Variants in CARS1 observed in about 807,000 individuals in gnomAD.
The protein encoded by CARS1 is cysteine--tRNA ligase, cytoplasmic.
In CARS1, 48 loss-of-function variants were observed where a neutral mutation model predicts 106.2. The ratio of observed to expected loss-of-function variants is 0.45; its 90% CI spans 0.36 to 0.57. The LOEUF is 0.57. Among genes scored for constraint, CARS1 ranks in the 20% least tolerant of loss-of-function variants. The pLI is 0.00. For missense variants in CARS1, 968 were observed against 1,057.2 expected, an observed-to-expected ratio of 0.92 and a Z score of 1.17; for synonymous variants, 409 against 403.4, an observed-to-expected ratio of 1.01 and a Z score of -0.17.
Position 3,041,339 on chromosome 11 carries a change from G to A in CARS1, c.367-355C>T, listed in dbSNP as rs1007143758. The A allele has an allele frequency of 3.7e-5, 10 of 270,120 alleles. 1 individual carries two copies. The Admixed American group carries it at 4.0e-4, about 11-fold the overall frequency. 16.7% of individuals were successfully genotyped at this position (270,120 alleles called of 1,614,324 possible). ...GTACCTACCATGTGCCAGGCCCTGA[G>A]CTAAATATTCAATATGCAGTACACT... On this transcript the variant is annotated intron_variant, in intron 3 of 22. Transcript: ENST00000380525. This position sits in a 1 kb window ranked among gnomAD's most constrained non-coding sequence, Gnocchi z 4.9.
In CARS1 at chr11:3,029,519, C is replaced by T; in HGVS notation, c.802-76G>A. ...GAACATCTCGTGCAGCTGGTGTGAG[C>T]CCATCAGTGCCCTGAATTCAAAGGT... is the stretch of plus-strand genomic sequence containing the variant. On this transcript the variant is annotated intron_variant, in intron 7 of 22. Coordinates refer to ENST00000380525, the MANE Select transcript of CARS1 (RefSeq NM_001014437.3). The surrounding 1 kb of genome is among the most constrained non-coding windows in gnomAD (Gnocchi z 5.9). The T allele has an allele frequency of 1.3e-6, 2 of 1,504,896 alleles. No individual in the cohort carries two copies. Among genetic ancestry groups the T allele is most frequent in the Non-Finnish European group, 1.8e-6 (2 of 1,104,398 alleles). The allele number at this position is 1,504,896 out of a possible 1,614,324, so 93.2% of individuals were successfully genotyped here.
At position 3,053,962 on chromosome 11, in the gene CARS1, C is replaced by T. The variant is rs1407586570; in HGVS notation, c.25+3381G>A. Among the ~76,000 whole-genome samples, 1 of 152,124 alleles carries T rather than the reference C, an allele frequency of 6.6e-6. No homozygotes were observed. The highest frequency in any genetic ancestry group is 1.5e-5 in the Non-Finnish European group (1 of 68,026). On this transcript the variant is annotated intron_variant, in intron 1 of 22. Coordinates refer to ENST00000380525, the MANE Select transcript of CARS1 (RefSeq NM_001014437.3). This position sits in a 1 kb window ranked among gnomAD's most constrained non-coding sequence, Gnocchi z 6.6. ...CCTTTCTGCAAATGTTCCCCTGGTC[C>T]CACCCTCTACAGCTGCTCCTCTTGG...
intron 7 of CARS1, among the ~76,000 whole-genome samples, chr11:3,033,960 T>C (rs1853230473): frequency 6.6e-6 from 1 of 152,164 alleles, no homozygotes; most frequent in Admixed American, 6.5e-5. Flanking sequence ...TCTTAAACTT[T>C]TTGTAGAGAT....
chr11:3,020,897 G>A lies in CARS1; in HGVS notation c.1154-565C>T, dbSNP rs557284790. On this transcript the variant is annotated intron_variant, in intron 10 of 22. Coordinates refer to ENST00000380525, the MANE Select transcript of CARS1 (RefSeq NM_001014437.3). The surrounding 1 kb of genome is among the most constrained non-coding windows in gnomAD (Gnocchi z 4.6). ...TTGCTGTTCCTGTGTATTTATAAGG[G>A]GAAAATAGGTGAAGGAAACTAAAGA... Among the ~76,000 whole-genome samples the A allele has an allele frequency of 6.6e-6, 1 of 152,296 alleles. No homozygotes were observed. The highest frequency in any genetic ancestry group is 2.4e-5 in the African/African-American group (1 of 41,546).
chr11:3,041,416 G>A lies in CARS1; in HGVS notation c.367-432C>T, dbSNP rs917509066. On this transcript the variant is annotated intron_variant, in intron 3 of 22. Coordinates refer to ENST00000380525, the MANE Select transcript of CARS1 (RefSeq NM_001014437.3). This position sits in a 1 kb window ranked among gnomAD's most constrained non-coding sequence, Gnocchi z 4.9. ...TTTTACGGATGAAGAAACTGAGGCA[G>A]ACAACACTTGGCCAGGGTCAGTCCC... is the stretch of plus-strand genomic sequence containing the variant. 3.9e-5 allele frequency among the ~76,000 whole-genome samples: 6 copies of A among 152,142 alleles called. No individual in the cohort carries two copies. The highest frequency in any genetic ancestry group is 1.4e-4 in the African/African-American group (6 of 41,416).
In CARS1 at chr11:3,020,022, G is replaced by C. The variant is rs770567751; in HGVS notation, c.1266+198C>G. Among the ~76,000 whole-genome samples, 27 of 152,244 alleles carry C rather than the reference G, an allele frequency of 1.8e-4. No individual in the cohort carries two copies. Among genetic ancestry groups the C allele is most frequent in the Non-Finnish European group, 3.4e-4 (23 of 68,044 alleles). Reference sequence around the variant, plus strand: ...AGAAAACAGAAATCCCAGGAGGGAAGTGATTTGTCCAGAGACTCAGGGAGT... The same window carrying C: ...AGAAAACAGAAATCCCAGGAGGGAACTGATTTGTCCAGAGACTCAGGGAGT... On this transcript the variant is annotated intron_variant, in intron 11 of 22. Transcript: ENST00000380525. The surrounding 1 kb of genome is among the most constrained non-coding windows in gnomAD (Gnocchi z 4.6).
rs1363336323 is a variant in CARS1, at chr11:3,043,424, C to T, written c.275-1168G>A. On this transcript the variant is annotated intron_variant, in intron 2 of 22. Coordinates refer to ENST00000380525, the MANE Select transcript of CARS1 (RefSeq NM_001014437.3). This position sits in a 1 kb window ranked among gnomAD's most constrained non-coding sequence, Gnocchi z 4.0. ...GATCCCCACTTTTCTCCACAGTCGT[C>T]GCCCACAGGTCCAGGTTCTGCGTTA... 1.3e-5 allele frequency among the ~76,000 whole-genome samples: 2 copies of T among 151,956 alleles called. No individual in the cohort carries two copies. The highest frequency in any genetic ancestry group is 2.9e-5 in the Non-Finnish European group (2 of 68,000).
Position 3,039,839 on chromosome 11 carries a change from T to C in CARS1, c.548A>G (p.Asp183Gly). The change falls in exon 5 of 23, where the codon GAC becomes GGC. Residue 183 changes from aspartate to glycine, a missense_variant. By Grantham distance (94) the Asp-to-Gly change is moderately conservative. Transcript: ENST00000380525. The surrounding 1 kb of genome is among the most constrained non-coding windows in gnomAD (Gnocchi z 5.6). ...FYCMNITDID[D>G]KIIKRARQNH... ...AATCTTACAAATTCCCTTTACCTTG[T>C]CATCAATATCCGTAATGTTCATGCA... 6.7e-7 allele frequency: 1 copy of C among 1,492,574 alleles called. No homozygotes were observed. Among genetic ancestry groups the C allele is most frequent in the Non-Finnish European group, 9.2e-7 (1 of 1,088,110 alleles). 92.5% of individuals were successfully genotyped at this position (1,492,574 alleles called of 1,614,324 possible).
chr11:3,040,472 A>T lies in CARS1; in HGVS notation c.455+424T>A, dbSNP rs1854295870. 1 of 464,354 alleles carries T rather than the reference A, an allele frequency of 2.2e-6. No individual in the cohort carries two copies. Among genetic ancestry groups the T allele is most frequent in the South Asian group, 1.6e-5 (1 of 64,072 alleles). The allele number at this position is 464,354 out of a possible 1,614,324, so 28.8% of individuals were successfully genotyped here. On this transcript the variant is annotated intron_variant, in intron 4 of 22. Transcript: ENST00000380525. This position sits in a 1 kb window ranked among gnomAD's most constrained non-coding sequence, Gnocchi z 5.8. ...CCCCAACAGCCAGCTACTCGTCAGGAGCTACAGCCATGACCATCCAGTGGT... is the reference window on the plus strand; with the variant it reads ...CCCCAACAGCCAGCTACTCGTCAGGTGCTACAGCCATGACCATCCAGTGGT...
rs1461372759 is a variant in CARS1, at chr11:3,017,219, G to A, written c.1804C>T (p.Arg602Trp). 6 of 1,614,010 alleles carry A rather than the reference G, an allele frequency of 3.7e-6. No homozygotes were observed. The highest frequency in any genetic ancestry group is 2.2e-5 in the East Asian group (1 of 44,898). ...AGGTTGCACTGACTGACCAAGGCCC[G>A]CATCTCTTCCATGACGGTGCGGGTG... is the stretch of plus-strand genomic sequence containing the variant. ...VDTRTVMEEM[R>W]ALVSQCNLYM... The change falls in exon 16 of 23, where the codon CGG becomes TGG. Residue 602 changes from arginine to tryptophan, a missense_variant. Transcript: ENST00000380525. The surrounding 1 kb of genome is among the most constrained non-coding windows in gnomAD (Gnocchi z 4.9).
rs1045076918 is a variant in CARS1, at chr11:3,031,255, A to G, written c.802-1812T>C. The G allele has an allele frequency of 3.3e-5, 5 of 152,256 alleles. No individual in the cohort carries two copies. The East Asian group carries it at 7.7e-4, about 23-fold the overall frequency. 9.4% of individuals were successfully genotyped at this position (152,256 alleles called of 1,614,324 possible). On this transcript the variant is annotated intron_variant, in intron 7 of 22. Coordinates refer to ENST00000380525, the MANE Select transcript of CARS1 (RefSeq NM_001014437.3). ...TTATAATGCGCCTGATAGAAAAGACATATTTACCAATCAAAGAAAAGTAAT... is the reference window on the plus strand; with the variant it reads ...TTATAATGCGCCTGATAGAAAAGACGTATTTACCAATCAAAGAAAAGTAAT...
chr11:3,031,264 A>C (rs693687), intron 7 of CARS1: 7 of 152,048 alleles, frequency 4.6e-5, no homozygotes, highest in African/African-American at 1.4e-4. Flanking sequence ...CATATTTACC[A>C]ATCAAAGAAA....
Position 3,041,146 on chromosome 11 carries a change from GC to G in CARS1, c.367-163del. 8.7e-7 allele frequency: 1 copy of G among 1,146,944 alleles called. No individual in the cohort carries two copies. The highest frequency in any genetic ancestry group is 1.2e-6 in the Non-Finnish European group (1 of 817,656). 71.0% of individuals were successfully genotyped at this position (1,146,944 alleles called of 1,614,324 possible). On this transcript the variant is annotated intron_variant, in intron 3 of 22. Transcript: ENST00000380525. This position sits in a 1 kb window ranked among gnomAD's most constrained non-coding sequence, Gnocchi z 4.9. ...GTGAAAAGTCACAGTCTCAGTGGGA[GC>G]CCAGTGAGATGTACGGCACCTCCCA...
Position 3,040,152 on chromosome 11 carries a change from T to C in CARS1, c.456-221A>G, listed in dbSNP as rs566130637. On this transcript the variant is annotated intron_variant, in intron 4 of 22. Transcript: ENST00000380525. The surrounding 1 kb of genome is among the most constrained non-coding windows in gnomAD (Gnocchi z 5.8). The stretch of plus-strand genomic sequence containing the variant: ...ACTTCCACCTAATGAATAGTAAATA[T>C]ATTGCCTCTCCCTTATGATTTTCTT... The C allele has an allele frequency of 6.1e-6, 3 of 488,096 alleles. No individual in the cohort carries two copies. Among genetic ancestry groups the C allele is most frequent in the Non-Finnish European group, 1.1e-5 (3 of 278,338 alleles). The allele number at this position is 488,096 out of a possible 1,614,324, so 30.2% of individuals were successfully genotyped here. A position where few individuals can be genotyped will look rare whatever the true frequency, so the allele number is the denominator to read the frequency against.
At position 3,021,210 on chromosome 11, in the gene CARS1, T is replaced by A. The variant is rs541568910; in HGVS notation, c.1154-878A>T. ...AATGGAAAAGATTAGCTGCTGTGAA[T>A]AAAGAAACCTGTGAGCCAGTCCAAA... On this transcript the variant is annotated intron_variant, in intron 10 of 22. Coordinates refer to ENST00000380525, the MANE Select transcript of CARS1 (RefSeq NM_001014437.3). This position sits in a 1 kb window ranked among gnomAD's most constrained non-coding sequence, Gnocchi z 5.3. Among the ~76,000 whole-genome samples the A allele has an allele frequency of 1.3e-5, 2 of 152,330 alleles. No individual in the cohort carries two copies. Among genetic ancestry groups the A allele is most frequent in the Admixed American group, 1.3e-4 (2 of 15,304 alleles).
At chr11:3,011,722 G>A (rs1850480311) in intron 18 of CARS1, among the ~76,000 whole-genome samples, 1 of 152,194 alleles carries the variant, frequency 6.6e-6, no homozygotes, top group African/African-American at 2.4e-5. Flanking sequence ...GAGCAGAAAA[G>A]GGAACCCTGG....
At chr11:3,018,771 A>G (rs1851288228) in intron 12 of CARS1, 22 bp from the exon 13 acceptor site, 1 of 1,609,486 alleles carries the variant, frequency 6.2e-7, no homozygotes, top group African/African-American at 1.3e-5. Flanking sequence ...GAGACAAAGG[A>G]TGTCAACAGT....
Position 3,019,252 on chromosome 11 carries a change from G to C in CARS1, c.1282C>G (p.His428Asp). The C allele has an allele frequency of 2.8e-6, 4 of 1,448,034 alleles. No homozygotes were observed. Among genetic ancestry groups the C allele is most frequent in the Non-Finnish European group, 3.7e-6 (4 of 1,093,588 alleles). The allele number at this position is 1,448,034 out of a possible 1,614,324, so 89.7% of individuals were successfully genotyped here. ...CPWGKGRPGW[H>D]IECSAMAGTL... is the part of the protein sequence containing the mutation. ...CCTGCCATGGCCGAGCACTCGATAT[G>C]CCAGCCCGGACGACCCTGGAGAAAG... Residue 428 changes from histidine (H) to aspartate (D), a missense_variant, in exon 12 of 23, where the codon CAT becomes GAT. His to Asp is a moderately conservative substitution (Grantham distance 81). Coordinates refer to ENST00000380525, the MANE Select transcript of CARS1 (RefSeq NM_001014437.3). The surrounding 1 kb of genome is among the most constrained non-coding windows in gnomAD (Gnocchi z 6.2).
rs376287806 is a variant in CARS1, at chr11:3,039,926, T to C, written c.461A>G (p.Tyr154Cys). The stretch of plus-strand genomic sequence containing the variant: ...TCTTCTCAAGATATCAAAAGAGATG[T>C]AGGACCTAAAGCAATGAAAAAACAA... Reference protein sequence around the residue: ...DASHMGHARSYISFDILRRVL... With the variant: ...DASHMGHARSCISFDILRRVL... The change falls in exon 5 of 23, where the codon TAC becomes TGC. Residue 154 changes from tyrosine to cysteine, a missense_variant. Coordinates refer to ENST00000380525, the MANE Select transcript of CARS1 (RefSeq NM_001014437.3). This position sits in a 1 kb window ranked among gnomAD's most constrained non-coding sequence, Gnocchi z 5.6. The C allele has an allele frequency of 3.8e-6, 6 of 1,562,632 alleles. No individual in the cohort carries two copies. The highest frequency in any genetic ancestry group is 5.2e-6 in the Non-Finnish European group (6 of 1,146,608).
Sources: gnomAD v4.1 joint callset for allele counts (sites outside exome capture counted in the v4.1 genomes callset) on GRCh38, gnomAD v4.1.1 for gene constraint, Gnocchi (gnomAD v3.1) non-coding constraint, MANE v1.5 for transcripts, NCBI Gene and HGNC (gene_info 2026-07-23, HGNC 2026-07-21) for gene names.